SYCP3: variants seen among roughly 807,000 people sequenced by gnomAD.
SYCP3 encodes the protein synaptonemal complex protein 3.
A neutral mutation model predicts 38.5 loss-of-function variants in SYCP3; 29 were observed. The ratio of observed to expected loss-of-function variants is 0.75; its 90% CI spans 0.56 to 1.03. The LOEUF (loss-of-function observed/expected upper bound fraction) is 1.03. Among genes scored for constraint, SYCP3 ranks in the 50% least tolerant of loss-of-function variants. The pLI is 0.00. For missense variants in SYCP3, 242 were observed against 270.7 expected (o/e 0.89, Z 0.74); for synonymous variants, 79 against 80.3 (o/e 0.98, Z 0.08).
At chr12:101,730,748 C>G in intron 7 of SYCP3, 2 of 186,080 alleles carry the variant, frequency 1.1e-5, no homozygotes, top group Non-Finnish European at 1.1e-5. Context: ...AGTGATCTCG[C>G]CTTGGCATCC....
At chr12:101,731,843 T>C (rs1228842078) in intron 6 of SYCP3, 177 bp from the exon 7 acceptor site, 3 of 457,390 alleles carry the variant, frequency 6.6e-6, no homozygotes, top group Admixed American at 7.7e-5. Context: ...TATGTAACAA[T>C]ATATTAATTC....
At chr12:101,731,235 T>C (rs1373645493) in intron 7 of SYCP3, among the ~76,000 whole-genome samples, 3 of 152,080 alleles carry the variant, frequency 2.0e-5, no homozygotes, top group East Asian at 3.8e-4. Context: ...ACAAGTAAAA[T>C]ACAACCTAAA....
In SYCP3 at chr12:101,733,572, A is replaced by T. The variant is rs767354947; in HGVS notation, c.453+3T>A. On this transcript the variant is annotated splice_donor_region_variant and intron_variant, in intron 6 of 8. Transcript: ENST00000392924. The stretch of plus-strand genomic sequence containing the variant: ...TGATTATAAACCTAATCATGATACC[A>T]ACAAGTATTTTTTCTTCTTGTTCCT... 3.1e-6 allele frequency: 5 copies of T among 1,611,322 alleles called. No homozygotes were observed. In the Admixed American group the frequency reaches 5.0e-5, roughly 16 times the overall value.
rs17031944 is a variant in SYCP3, at chr12:101,739,455, A to T, written c.-122T>A. 10,377 of 1,002,530 alleles carry T rather than the reference A, an allele frequency of 0.01. 776 individuals carry two copies. The East Asian group carries it at 0.32, about 31-fold the overall frequency. 62.1% of individuals were successfully genotyped at this position (1,002,530 alleles called of 1,614,324 possible). On this transcript the variant is annotated 5_prime_UTR_variant, in exon 1 of 9. Transcript: ENST00000392924. Reference sequence around the variant, plus strand: ...CACCTGAGGTGGCCCCTTCTCCGCGACGCTTCTGAGGCAAGCTGGGATTCG... The same window carrying T: ...CACCTGAGGTGGCCCCTTCTCCGCGTCGCTTCTGAGGCAAGCTGGGATTCG...
At chr12:101,739,321 G>C in intron 1 of SYCP3, 30 bp downstream of exon 1, 1 of 1,002,738 alleles carries the variant, frequency 1.0e-6, no homozygotes, top group Non-Finnish European at 1.2e-6. Context: ...CTGGACACCT[G>C]CGATAGACAG....
intron 7 of SYCP3, among the ~76,000 whole-genome samples, chr12:101,730,799 T>C (rs1019459523): frequency 4.6e-5 from 7 of 152,190 alleles, no homozygotes; most frequent in African/African-American, 1.7e-4. Flanking sequence ...ATATTAAAGT[T>C]ATTCTGAAAT....
chr12:101,731,107 G>A (rs1269212908), intron 7 of SYCP3, among the ~76,000 whole-genome samples: 2 of 151,874 alleles, frequency 1.3e-5, no homozygotes, highest in African/African-American at 4.8e-5. Context: ...ATTCATTTTT[G>A]GTCACTGTAA....
At chr12:101,731,827 CACT>C (rs1490237308) in intron 6 of SYCP3, 161 bp from the exon 7 acceptor site, 2 of 507,000 alleles carry the variant, frequency 3.9e-6, no homozygotes, top group Non-Finnish European at 6.9e-6. Flanking sequence ...TTATGTTCAC[CACT>C]AATATGTAAC....
chr12:101,729,109 A>G lies in SYCP3; in HGVS notation c.657T>C (p.Thr219=), dbSNP rs769825641. 6.6e-5 allele frequency: 106 copies of G among 1,609,016 alleles called. No homozygotes were observed. In the East Asian group the frequency reaches 2.3e-3, roughly 35 times the overall value. The part of the protein sequence containing the change: ...AMLQKKIMME[T]QQQEIASVRK... The stretch of plus-strand genomic sequence containing the variant: ...TTTCAATTTCAATATGATCACTTAC[A>G]GTTTCCATCATAATTTTTTTTTGCA... Residue 219 remains threonine, a splice_region_variant and synonymous_variant, in exon 8 of 9, where the codon ACT becomes ACC. Transcript: ENST00000392924.
At chr12:101,737,644 C>T (rs760171480) in intron 2 of SYCP3, 159 bp downstream of exon 2, 1 of 948,822 alleles carries the variant, frequency 1.1e-6, no homozygotes, top group South Asian at 1.4e-5. Flanking sequence ...AACACAAGTA[C>T]AGCTGGCCAT....
chr12:101,733,703 A>G (rs370510572), intron 5 of SYCP3, 29 bp from the exon 6 acceptor site: 1 of 1,582,416 alleles, frequency 6.3e-7, no homozygotes, highest in Non-Finnish European at 8.6e-7. Context: ...AATTATTGTC[A>G]TATTTCATAC....
intron 6 of SYCP3, 69 bp from the exon 7 acceptor site, chr12:101,731,735 AT>A: frequency 9.0e-7 from 1 of 1,112,374 alleles, no homozygotes; most frequent in East Asian, 2.6e-5. Context: ...AGAAAAAATA[AT>A]TCTACATTAA....
chr12:101,737,374 A>T, intron 2 of SYCP3, 76 bp from the exon 3 acceptor site: 2 of 1,352,428 alleles, frequency 1.5e-6, no homozygotes, highest in African/African-American at 2.9e-5. Context: ...TTAATGAAAC[A>T]TCTTCATTTG....
At chr12:101,733,825 A>G (rs772225107) in intron 5 of SYCP3, 151 bp from the exon 6 acceptor site, 2 of 652,704 alleles carry the variant, frequency 3.1e-6, no homozygotes, top group South Asian at 2.0e-5. Flanking sequence ...TAAAATTATG[A>G]TTTACACTGA....
intron 4 of SYCP3, among the ~76,000 whole-genome samples, chr12:101,736,639 A>G (rs912838182): frequency 1.2e-4 from 19 of 152,098 alleles, no homozygotes; most frequent in African/African-American, 4.6e-4. Flanking sequence ...AGAAAATAGC[A>G]TAGGAAGTCA....
rs901906843 is a variant in SYCP3, at chr12:101,739,452, G to C, written c.-119C>G. On this transcript the variant is annotated 5_prime_UTR_variant, in exon 1 of 9. Transcript: ENST00000392924. ...CTTCACCTGAGGTGGCCCCTTCTCC[G>C]CGACGCTTCTGAGGCAAGCTGGGAT... 117 of 1,002,496 alleles carry C rather than the reference G, an allele frequency of 1.2e-4. No homozygotes were observed. In the African/African-American group the frequency reaches 1.9e-3, roughly 16 times the overall value. 62.1% of individuals were successfully genotyped at this position (1,002,496 alleles called of 1,614,324 possible).
At chr12:101,729,007 A>G (rs1566047858) in intron 8 of SYCP3, 27 bp from the exon 9 acceptor site, 2 of 1,613,278 alleles carry the variant, frequency 1.2e-6, no homozygotes, top group African/African-American at 1.3e-5. Context: ...GATATTAAAC[A>G]TTTGTTTAAT....
intron 6 of SYCP3, chr12:101,732,110 T>C (rs1183091020): frequency 6.3e-6 from 1 of 157,778 alleles, no homozygotes; most frequent in Non-Finnish European, 1.4e-5. Context: ...TACTCAGCAT[T>C]CCCCTTTCAT....
chr12:101,734,058 A>G (rs979729854), intron 5 of SYCP3, among the ~76,000 whole-genome samples: 1 of 152,200 alleles, frequency 6.6e-6, no homozygotes, highest in Non-Finnish European at 1.5e-5. Flanking sequence ...AGATTTCTAA[A>G]TAGAAATAGT....
Sources: allele counts gnomAD v4.1 joint callset (sites outside exome capture counted in the v4.1 genomes callset), GRCh38; gene constraint gnomAD v4.1.1; transcripts MANE v1.5; gene names NCBI Gene and HGNC (gene_info 2026-07-23, HGNC 2026-07-21).